The following FAF1 variants were observed in gnomAD, a reference collection of about 807,000 sequenced individuals.
The protein encoded by FAF1 is FAS-associated factor 1.
A neutral mutation model predicts 92.5 loss-of-function variants in FAF1; 25 were observed. The observed-to-expected ratio is 0.27, with a 90% CI of 0.20 to 0.38. FAF1 has a LOEUF of 0.38. FAF1 is among the 10% of genes least tolerant of loss of function. The pLI, the probability that FAF1 is intolerant of heterozygous loss-of-function variation, is 1.00. For synonymous variants in FAF1, 234 were observed against 273.2 expected, an observed-to-expected ratio of 0.86 and a Z score of 1.42; for missense variants, 636 against 793.3, an observed-to-expected ratio of 0.80 and a Z score of 2.38.
intron 1 of FAF1, among the ~76,000 whole-genome samples, chr1:50,930,200 C>A (rs1268039928): frequency 6.6e-6 from 1 of 152,040 alleles, no homozygotes; most frequent in Non-Finnish European, 1.5e-5. Flanking sequence ...TCAATTACAG[C>A]CTGTTAATGA....
intron 8 of FAF1, among the ~76,000 whole-genome samples, chr1:50,651,254 T>A (rs1468638886): frequency 6.6e-6 from 1 of 152,240 alleles, no homozygotes; most frequent in African/African-American, 2.4e-5. Flanking sequence ...AGTGAAAAAG[T>A]ATTTTAATCT....
intron 15 of FAF1, among the ~76,000 whole-genome samples, chr1:50,523,291 T>C (rs1372764260): frequency 6.6e-6 from 1 of 152,206 alleles, no homozygotes; most frequent in Non-Finnish European, 1.5e-5. Context: ...AGGAGTGGAA[T>C]ACCTGGTTCA....
At chr1:50,856,928 G>A (rs1644394792) in intron 2 of FAF1, among the ~76,000 whole-genome samples, 1 of 151,166 alleles carries the variant, frequency 6.6e-6, no homozygotes, top group South Asian at 2.1e-4. Context: ...CAGAACAGAA[G>A]GTATAAAACA....
intron 3 of FAF1, among the ~76,000 whole-genome samples, chr1:50,792,592 T>C (rs979145342): frequency 6.6e-6 from 1 of 152,296 alleles, no homozygotes; most frequent in Non-Finnish European, 1.5e-5. Flanking sequence ...GAAATATAGA[T>C]GCTTAAAGAA....
chr1:50,930,698 G>A (rs1028899700), intron 1 of FAF1, among the ~76,000 whole-genome samples: 25 of 152,158 alleles, frequency 1.6e-4, no homozygotes, highest in African/African-American at 6.0e-4. Context: ...AGCCAGGCAT[G>A]GTGGCGGGTG....
chr1:50,889,663 A>C (rs2124698795), intron 1 of FAF1, among the ~76,000 whole-genome samples: 1 of 152,310 alleles, frequency 6.6e-6, no homozygotes, highest in African/African-American at 2.4e-5. Flanking sequence ...GTTTCCATGT[A>C]GTTGAGCAGT....
chr1:50,448,744 C>G (rs552917238), intron 18 of FAF1, among the ~76,000 whole-genome samples: 121 of 152,328 alleles, frequency 7.9e-4, no homozygotes, highest in African/African-American at 2.7e-3. Flanking sequence ...TTTCCGGTAA[C>G]AAAGGAGGTG....
intron 7 of FAF1, among the ~76,000 whole-genome samples, chr1:50,693,245 G>A (rs969609565): frequency 6.6e-6 from 1 of 152,128 alleles, no homozygotes; most frequent in African/African-American, 2.4e-5. Context: ...TGTCTGGTGT[G>A]AGGGAACAGT....
chr1:50,844,463 A>C (rs1263694494), intron 2 of FAF1, among the ~76,000 whole-genome samples: 9 of 151,848 alleles, frequency 5.9e-5, no homozygotes, highest in African/African-American at 2.2e-4. Context: ...ATATTGCTTG[A>C]GGCAGACACT....
intron 4 of FAF1, among the ~76,000 whole-genome samples, chr1:50,773,562 A>T (rs530884659): frequency 6.6e-6 from 1 of 152,354 alleles, no homozygotes; most frequent in South Asian, 2.1e-4. Context: ...GCTAAGTGAA[A>T]TAAGACAGGC....
At chr1:50,921,740 C>G (rs1012701362) in intron 1 of FAF1, among the ~76,000 whole-genome samples, 3 of 151,818 alleles carry the variant, frequency 2.0e-5, no homozygotes, top group Non-Finnish European at 4.4e-5. Flanking sequence ...AAGATCACAC[C>G]ACTGCACTCC....
At chr1:50,834,779 T>G (rs1644185364) in intron 2 of FAF1, among the ~76,000 whole-genome samples, 3 of 152,208 alleles carry the variant, frequency 2.0e-5, no homozygotes, top group African/African-American at 4.8e-5. Flanking sequence ...TACTGAACAC[T>G]GAAAATCTGT....
At chr1:50,485,438 AGATCAG>A in intron 17 of FAF1, among the ~76,000 whole-genome samples, 1 of 152,012 alleles carries the variant, frequency 6.6e-6, no homozygotes, top group East Asian at 1.9e-4. Flanking sequence ...CAAGGCAGGC[AGATCAG>A]GAGGTCAGGA....
intron 1 of FAF1, among the ~76,000 whole-genome samples, chr1:50,920,371 G>A (rs1299881500): frequency 6.6e-6 from 1 of 151,698 alleles, no homozygotes; most frequent in Non-Finnish European, 1.5e-5. Flanking sequence ...AGGCATTACT[G>A]CTCCCAAAAA....
chr1:50,440,294 C>A lies in FAF1; in HGVS notation c.*1146G>T, dbSNP rs1027435847. On this transcript the variant is annotated 3_prime_UTR_variant, in exon 19 of 19. Coordinates refer to ENST00000396153, the MANE Select transcript of FAF1 (RefSeq NM_007051.3). ...GTAGATTAAGAAAAATCCACACTTA[C>A]TAAATCAAATCAAAAATTATTATAT... is the stretch of plus-strand genomic sequence containing the variant. 2.0e-5 allele frequency: 3 copies of A among 152,212 alleles called. No homozygotes were observed. The highest frequency in any genetic ancestry group is 2.9e-5 in the Non-Finnish European group (2 of 68,048). The allele number at this position is 152,212 out of a possible 1,614,324, so 9.4% of individuals were successfully genotyped here.
At chr1:50,876,776 G>GT (rs1190339746) in intron 1 of FAF1, among the ~76,000 whole-genome samples, 2 of 152,108 alleles carry the variant, frequency 1.3e-5, no homozygotes. Flanking sequence ...TAGAGATGGG[G>GT]TTTTGCCATG....
chr1:50,786,319 C>G (rs1448797052), intron 4 of FAF1, among the ~76,000 whole-genome samples: 1 of 152,032 alleles, frequency 6.6e-6, no homozygotes, highest in African/African-American at 2.4e-5. Flanking sequence ...CATATATAAG[C>G]ATTGAGGACA....
At chr1:50,872,284 G>A (rs1355835780) in intron 1 of FAF1, among the ~76,000 whole-genome samples, 1 of 152,162 alleles carries the variant, frequency 6.6e-6, no homozygotes, top group Non-Finnish European at 1.5e-5. Context: ...GGATAATTTT[G>A]AGGGATTCAA....
intron 13 of FAF1, among the ~76,000 whole-genome samples, chr1:50,557,885 A>G (rs1649664579): frequency 6.6e-6 from 1 of 151,726 alleles, no homozygotes; most frequent in South Asian, 2.1e-4. Context: ...TATATATTTA[A>G]GATATTTCAC....
Sources: gnomAD v4.1 joint callset for allele counts (sites outside exome capture counted in the v4.1 genomes callset) on GRCh38, gnomAD v4.1.1 for gene constraint, MANE v1.5 for transcripts, NCBI Gene and HGNC (gene_info 2026-07-23, HGNC 2026-07-21) for gene names.